The following ADAM12 variants were observed in gnomAD, a reference collection of about 807,000 sequenced individuals.
ADAM12 encodes the protein ADAM metallopeptidase domain 12, also known as disintegrin and metalloproteinase domain-containing protein 12.
ADAM12 carries 70 observed loss-of-function variants against 106.4 expected under a neutral mutation model. The ratio of observed to expected loss-of-function variants is 0.66; its 90% CI spans 0.54 to 0.80. The LOEUF (loss-of-function observed/expected upper bound fraction) is 0.80, where lower values mean the gene tolerates loss of function less well. Among genes scored for constraint, ADAM12 ranks in the 30% least tolerant of loss-of-function variants. ADAM12 has a pLI of 0.00. For synonymous variants in ADAM12, 420 were observed against 433.5 expected, an observed-to-expected ratio of 0.97 and a Z score of 0.39; for missense variants, 1,010 against 1,171.9, an observed-to-expected ratio of 0.86 and a Z score of 2.02.
intron 1 of ADAM12, among the ~76,000 whole-genome samples, chr10:126,355,530 T>C (rs1855510708): frequency 6.6e-6 from 1 of 152,158 alleles, no homozygotes; most frequent in Admixed American, 6.5e-5. Context: ...GAAGTCTGCA[T>C]TGGAAGGGTA....
At chr10:126,228,435 C>T (rs1361772064) in intron 3 of ADAM12, among the ~76,000 whole-genome samples, 1 of 152,120 alleles carries the variant, frequency 6.6e-6, no homozygotes, top group Non-Finnish European at 1.5e-5. Flanking sequence ...TTCAAATGTA[C>T]AATGTTGGGC....
intron 1 of ADAM12, among the ~76,000 whole-genome samples, chr10:126,370,423 T>C (rs1048711227): frequency 6.6e-6 from 1 of 152,210 alleles, no homozygotes; most frequent in Admixed American, 6.5e-5. Context: ...AAACAGAAGA[T>C]AGTATACTTA....
intron 1 of ADAM12, among the ~76,000 whole-genome samples, chr10:126,361,436 C>A (rs1304525157): frequency 5.3e-5 from 8 of 151,904 alleles, no homozygotes; most frequent in Non-Finnish European, 7.4e-5. Context: ...AAAAAACAAT[C>A]CTAAAATTTA....
intron 3 of ADAM12, among the ~76,000 whole-genome samples, chr10:126,173,464 C>T (rs930499557): frequency 1.3e-5 from 2 of 152,052 alleles, no homozygotes; most frequent in Non-Finnish European, 2.9e-5. Context: ...GGGTGTTTAG[C>T]AATATCCCTG....
intron 21 of ADAM12, among the ~76,000 whole-genome samples, chr10:126,029,447 A>T (rs748917917): frequency 3.3e-5 from 5 of 152,218 alleles, no homozygotes; most frequent in Non-Finnish European, 1.5e-5. Flanking sequence ...AGAGACATGG[A>T]TGGAGCTGGA....
At chr10:126,269,530 C>G (rs1042475376) in intron 3 of ADAM12, among the ~76,000 whole-genome samples, 1 of 152,170 alleles carries the variant, frequency 6.6e-6, no homozygotes, top group Non-Finnish European at 1.5e-5. Context: ...CCAGCCTGCA[C>G]AGTATCTGCA....
At chr10:126,222,010 C>T (rs1335201341) in intron 3 of ADAM12, among the ~76,000 whole-genome samples, 1 of 152,170 alleles carries the variant, frequency 6.6e-6, no homozygotes, top group Non-Finnish European at 1.5e-5. Flanking sequence ...CATCAGAAGT[C>T]CCCCTCTCCA....
chr10:126,210,214 T>C (rs1057494473), intron 3 of ADAM12, among the ~76,000 whole-genome samples: 2 of 152,230 alleles, frequency 1.3e-5, no homozygotes, highest in African/African-American at 4.8e-5. Flanking sequence ...CTTCCAGAAA[T>C]AGCACGTGAC....
At chr10:126,189,188 T>A (rs1957452170) in intron 3 of ADAM12, among the ~76,000 whole-genome samples, 1 of 152,038 alleles carries the variant, frequency 6.6e-6, no homozygotes, top group Admixed American at 6.5e-5. Context: ...TAGAGAAGGA[T>A]CATGATGAAG....
intron 19 of ADAM12, among the ~76,000 whole-genome samples, chr10:126,038,952 CTTTTTTT>C (rs34277276): frequency 3.9e-4 from 28 of 71,554 alleles, no homozygotes; most frequent in South Asian, 1.5e-3. Flanking sequence ...GACACCATTT[CTTTTTTT>C]TTTTTTTTTT....
Position 126,043,828 on chromosome 10 carries a change from C to T in ADAM12, c.1996-680G>A, listed in dbSNP as rs1184382384. ...TGGCTCCCAGTCACGCACCAGGGTG[C>T]GAATCCAACAGTGGATTCTTTTCAT... On this transcript the variant is annotated intron_variant, in intron 17 of 22. Transcript: ENST00000448723. The surrounding 1 kb of genome is among the most constrained non-coding windows in gnomAD (Gnocchi z 4.1). Among the ~76,000 whole-genome samples, 4 of 152,194 alleles carry T rather than the reference C, an allele frequency of 2.6e-5. No homozygotes were observed. Among genetic ancestry groups the T allele is most frequent in the East Asian group, 3.9e-4 (2 of 5,184 alleles).
At chr10:126,175,358 T>C (rs1215262574) in intron 3 of ADAM12, among the ~76,000 whole-genome samples, 2 of 152,208 alleles carry the variant, frequency 1.3e-5, no homozygotes, top group African/African-American at 4.8e-5. Context: ...TTACAAAATA[T>C]TATTATTATT....
chr10:126,233,508 T>A (rs556559764), intron 3 of ADAM12, among the ~76,000 whole-genome samples: 2 of 151,364 alleles, frequency 1.3e-5, no homozygotes, highest in Non-Finnish European at 2.9e-5. Flanking sequence ...GCCCACATGG[T>A]TTGGGTGGGC....
intron 3 of ADAM12, among the ~76,000 whole-genome samples, chr10:126,203,943 T>C (rs74158385): frequency 0.21 from 31,799 of 148,656 alleles, 3,425 homozygotes; most frequent in East Asian, 0.27. Context: ...CGCGCGCGTG[T>C]GTGTGTGTGT....
At chr10:126,041,097 CT>C (rs1954156427) in intron 18 of ADAM12, among the ~76,000 whole-genome samples, 1 of 152,206 alleles carries the variant, frequency 6.6e-6, no homozygotes, top group African/African-American at 2.4e-5. Flanking sequence ...TGACAACCCC[CT>C]GCCGCTCTGT....
Position 126,053,287 on chromosome 10 carries a change from A to G in ADAM12, c.1610-3618T>C. Among the ~76,000 whole-genome samples, 1 of 152,142 alleles carries G rather than the reference A, an allele frequency of 6.6e-6. No homozygotes were observed. The highest frequency in any genetic ancestry group is 1.9e-4 in the East Asian group (1 of 5,198). ...TTTTCTTTATAAATTACCCAGTCTC[A>G]GGTATTTATTTATTTATAGCAGTGT... On this transcript the variant is annotated intron_variant, in intron 14 of 22. Coordinates refer to ENST00000448723, the MANE Select transcript of ADAM12 (RefSeq NM_001288973.2). The surrounding 1 kb of genome is among the most constrained non-coding windows in gnomAD (Gnocchi z 4.6).
chr10:126,365,766 G>A (rs1328335428), intron 1 of ADAM12, among the ~76,000 whole-genome samples: 1 of 152,144 alleles, frequency 6.6e-6, no homozygotes, highest in African/African-American at 2.4e-5. Flanking sequence ...TAGGGATTAT[G>A]GGAACTACAA....
At chr10:126,376,080 T>C (rs957935649) in intron 1 of ADAM12, among the ~76,000 whole-genome samples, 2 of 151,872 alleles carry the variant, frequency 1.3e-5, no homozygotes, top group East Asian at 1.9e-4. Flanking sequence ...ATGGATATGC[T>C]ACCCAATGAA....
chr10:126,037,370 G>A (rs993658701), intron 20 of ADAM12, among the ~76,000 whole-genome samples: 7 of 149,602 alleles, frequency 4.7e-5, no homozygotes, highest in Admixed American at 1.3e-4. Flanking sequence ...AGCCGTTCTC[G>A]CTTATGGTTC....
Sources: allele counts gnomAD v4.1 joint callset (sites outside exome capture counted in the v4.1 genomes callset), GRCh38; gene constraint gnomAD v4.1.1; non-coding constraint Gnocchi (gnomAD v3.1); transcripts MANE v1.5; gene names NCBI Gene and HGNC (gene_info 2026-07-23, HGNC 2026-07-21).